Variants in RNF111 observed in about 807,000 individuals in gnomAD.
RNF111 encodes the protein E3 ubiquitin-protein ligase Arkadia.
RNF111 carries 17 observed loss-of-function variants against 95.1 expected under a neutral mutation model. The ratio of observed to expected loss-of-function variants is 0.18; its 90% CI spans 0.12 to 0.27. RNF111 has a LOEUF of 0.27. RNF111 is among the 10% of genes least tolerant of loss of function. The pLI is 1.00. For missense variants in RNF111, 1,189 were observed against 1,210.4 expected (o/e 0.98, Z 0.26); for synonymous variants, 440 against 414.8 (o/e 1.06, Z -0.74).
chr15:59,093,439 G>T, intron 13 of RNF111: 1 of 438,414 alleles, frequency 2.3e-6, no homozygotes, highest in African/African-American at 2.1e-5. Flanking sequence ...TCCACCTCCT[G>T]GGCTGAAGCG....
intron 5 of RNF111, among the ~76,000 whole-genome samples, chr15:59,061,254 G>A (rs557602439): frequency 1.3e-5 from 2 of 152,144 alleles, no homozygotes; most frequent in African/African-American, 4.8e-5. Flanking sequence ...CTCTCTTAAG[G>A]TCAATTTCCT....
intron 10 of RNF111, 119 bp downstream of exon 10, chr15:59,085,904 G>T (rs1235006711): frequency 3.4e-6 from 3 of 891,722 alleles, no homozygotes; most frequent in African/African-American, 1.7e-5. Flanking sequence ...GAGTAATCTT[G>T]TTAGCTAAAA....
chr15:59,080,813 T>A (rs189423648), intron 7 of RNF111, 123 bp from the exon 8 acceptor site: 167 of 759,644 alleles, frequency 2.2e-4, no homozygotes, highest in Middle Eastern at 1.2e-3. Context: ...AATACTTTAC[T>A]TGATAAAGTA....
intron 1 of RNF111, among the ~76,000 whole-genome samples, chr15:59,017,073 T>C (rs537844214): frequency 6.6e-6 from 1 of 152,088 alleles, no homozygotes; most frequent in South Asian, 2.1e-4. Flanking sequence ...TATAATATTA[T>C]ATATTGCAAT....
At chr15:59,080,114 C>CTTTTTTTTT (rs1194255542) in intron 7 of RNF111, among the ~76,000 whole-genome samples, 4 of 85,446 alleles carry the variant, frequency 4.7e-5, no homozygotes, top group East Asian at 7.0e-4. Flanking sequence ...TTGTGTGCTC[C>CTTTTTTTTT]TTTTTTTTTT....
chr15:59,023,042 T>G (rs1297945418), intron 1 of RNF111, among the ~76,000 whole-genome samples: 1 of 152,052 alleles, frequency 6.6e-6, no homozygotes, highest in Admixed American at 6.5e-5. Context: ...AGGTCAGGAG[T>G]TCGAGACCAG....
chr15:59,012,003 C>CTTTTTTTTTTTTTTTTTTTT lies in RNF111; in HGVS notation c.-19-18791_-19-18772dup, dbSNP rs71425836. 2.0e-4 allele frequency among the ~76,000 whole-genome samples: 8 copies of CTTTTTTTTTTTTTTTTTTTT among 40,450 alleles called. 2 individuals are homozygous for CTTTTTTTTTTTTTTTTTTTT. The highest frequency in any genetic ancestry group is 5.0e-4 in the African/African-American group (6 of 12,118). The allele number at this position is 40,450 out of a possible 152,430, so 26.5% of individuals were successfully genotyped here. On this transcript the variant is annotated intron_variant, in intron 1 of 13. Transcript: ENST00000348370. ...TTAGTGTTCTTTTTTGTTTGTTTGC[C>CTTTTTTTTTTTTTTTTTTTT]TTTTTTTTTTTTTTTTTTTTTTTTT...
At chr15:59,029,423 C>T (rs2040798445) in intron 1 of RNF111, among the ~76,000 whole-genome samples, 1 of 152,100 alleles carries the variant, frequency 6.6e-6, no homozygotes, top group Admixed American at 6.6e-5. Flanking sequence ...ACAGATAGCG[C>T]GTGATGGCTG....
chr15:59,058,491 C>G lies in RNF111; in HGVS notation c.1307C>G (p.Thr436Arg). The change falls in exon 5 of 14, where the codon ACA becomes AGA. Residue 436 changes from threonine to arginine, a missense_variant. Coordinates refer to ENST00000348370, the MANE Select transcript of RNF111 (RefSeq NM_017610.8). ...GCTGTCACCAGTAGCCAACCTTCCA[C>G]AGTGTCAGAGACTTCAGCTACTCTT... ...ASAVTSSQPS[T>R]VSETSATLTS... 1 of 1,614,112 alleles carries G rather than the reference C, an allele frequency of 6.2e-7. No homozygotes were observed. The highest frequency in any genetic ancestry group is 8.5e-7 in the Non-Finnish European group (1 of 1,179,974).
chr15:59,087,622 C>A (rs2078934805), intron 10 of RNF111, among the ~76,000 whole-genome samples: 1 of 152,064 alleles, frequency 6.6e-6, no homozygotes, highest in Non-Finnish European at 1.5e-5. Flanking sequence ...AGGGAAAATA[C>A]ATTTACTATT....
At chr15:59,039,589 G>C (rs1421554865) in intron 2 of RNF111, among the ~76,000 whole-genome samples, 1 of 152,000 alleles carries the variant, frequency 6.6e-6, no homozygotes, top group East Asian at 1.9e-4. Context: ...CTTCAAACTG[G>C]GTCATTGTCC....
chr15:59,033,970 C>T (rs1399823928), intron 2 of RNF111, among the ~76,000 whole-genome samples: 4 of 152,056 alleles, frequency 2.6e-5, no homozygotes, highest in Admixed American at 6.6e-5. Context: ...AACATTCACA[C>T]GATATGGAAT....
chr15:59,078,868 A>G (rs1235834776), intron 7 of RNF111, among the ~76,000 whole-genome samples: 1 of 78,722 alleles, frequency 1.3e-5, no homozygotes, highest in African/African-American at 7.6e-5. Context: ...CAAAAGAAGA[A>G]AAAAAAAAAA....
chr15:59,093,465 C>T, intron 13 of RNF111: 1 of 433,724 alleles, frequency 2.3e-6, no homozygotes, highest in Non-Finnish European at 4.6e-6. Context: ...CCTACCTCAG[C>T]CTCCCAAAAT....
intron 1 of RNF111, among the ~76,000 whole-genome samples, chr15:59,020,487 T>G (rs1257745837): frequency 5.9e-5 from 9 of 152,142 alleles, no homozygotes; most frequent in African/African-American, 2.2e-4. Context: ...CACCCTTCAT[T>G]TTGCTATTGG....
At chr15:59,077,734 A>T (rs550367935) in intron 7 of RNF111, among the ~76,000 whole-genome samples, 1 of 152,364 alleles carries the variant, frequency 6.6e-6, no homozygotes, top group South Asian at 2.1e-4. Context: ...TTGCTATGTC[A>T]GAGGGCTAAA....
At chr15:59,090,642 A>T (rs1231248981) in intron 11 of RNF111, among the ~76,000 whole-genome samples, 1 of 152,242 alleles carries the variant, frequency 6.6e-6, no homozygotes, top group East Asian at 1.9e-4. Flanking sequence ...CCATACATAC[A>T]TACATACTGA....
intron 2 of RNF111, among the ~76,000 whole-genome samples, chr15:59,038,268 A>G (rs1050849222): frequency 3.3e-5 from 5 of 152,204 alleles, no homozygotes; most frequent in South Asian, 4.1e-4. Context: ...GTCTCAAACT[A>G]CAAATATCAT....
intron 1 of RNF111, among the ~76,000 whole-genome samples, chr15:59,028,744 A>T (rs1256664051): frequency 6.6e-6 from 1 of 150,500 alleles, no homozygotes; most frequent in Non-Finnish European, 1.5e-5. Flanking sequence ...CATACCTAGG[A>T]GTGGAAATGC....
Sources: allele counts gnomAD v4.1 joint callset (sites outside exome capture counted in the v4.1 genomes callset), GRCh38; gene constraint gnomAD v4.1.1; transcripts MANE v1.5; gene names NCBI Gene and HGNC (gene_info 2026-07-23, HGNC 2026-07-21).